Variants in CNTNAP2 observed in about 807,000 individuals in gnomAD.
CNTNAP2 encodes the protein contactin associated protein 2, also known as contactin-associated protein-like 2.
Under a neutral mutation model 155.2 loss-of-function variants are expected in CNTNAP2, and 98 were observed. That is an observed-to-expected ratio of 0.63 (90% confidence interval 0.54 to 0.75). CNTNAP2 has a LOEUF of 0.75. Among genes scored for constraint, CNTNAP2 ranks in the 30% least tolerant of loss-of-function variants. CNTNAP2 has a pLI of 0.00. For missense variants in CNTNAP2, 1,727 were observed against 1,688.1 expected (o/e 1.02, Z -0.40); for synonymous variants, 651 against 631.2 (o/e 1.03, Z -0.47).
chr7:146,582,519 G>A (rs1217481451), intron 1 of CNTNAP2, among the ~76,000 whole-genome samples: 1 of 152,124 alleles, frequency 6.6e-6, no homozygotes, highest in African/African-American at 2.4e-5. Flanking sequence ...AAAATAAACA[G>A]TGATTTATAA....
At chr7:147,474,951 A>G (rs1321251135) in intron 10 of CNTNAP2, among the ~76,000 whole-genome samples, 1 of 152,210 alleles carries the variant, frequency 6.6e-6, no homozygotes, top group Non-Finnish European at 1.5e-5. Flanking sequence ...CACAACAGCT[A>G]GAACAATCGT....
intron 4 of CNTNAP2, among the ~76,000 whole-genome samples, chr7:147,056,771 T>C (rs1189349466): frequency 6.6e-6 from 1 of 152,068 alleles, no homozygotes; most frequent in Non-Finnish European, 1.5e-5. Flanking sequence ...GTTTGTTTGT[T>C]CATTTGTTTG....
At chr7:146,832,622 A>T (rs939410746) in intron 2 of CNTNAP2, among the ~76,000 whole-genome samples, 10 of 148,114 alleles carry the variant, frequency 6.8e-5, no homozygotes, top group African/African-American at 2.5e-4. Flanking sequence ...TATTTTATAT[A>T]TTATAAATTT....
chr7:147,779,772 A>C (rs2116553069), intron 13 of CNTNAP2, among the ~76,000 whole-genome samples: 1 of 152,310 alleles, frequency 6.6e-6, no homozygotes, highest in East Asian at 1.9e-4. Context: ...AAAACTTGCT[A>C]TCTCCTGCAA....
At chr7:146,527,337 GT>G (rs772728503) in intron 1 of CNTNAP2, among the ~76,000 whole-genome samples, 1 of 152,082 alleles carries the variant, frequency 6.6e-6, no homozygotes, top group East Asian at 1.9e-4. Context: ...CAAAAACAGT[GT>G]TTTTTATTTA....
intron 14 of CNTNAP2, among the ~76,000 whole-genome samples, chr7:147,933,490 A>C (rs1478545863): frequency 7.6e-6 from 1 of 130,896 alleles, no homozygotes; most frequent in Non-Finnish European, 1.6e-5. Context: ...GATACAGAAA[A>C]TGTGAGATAG....
At chr7:147,975,076 A>ATTATGTG (rs1801405317) in intron 14 of CNTNAP2, among the ~76,000 whole-genome samples, 3 of 151,526 alleles carry the variant, frequency 2.0e-5, no homozygotes, top group African/African-American at 4.8e-5. Context: ...TGTATTATGT[A>ATTATGTG]TAATACAATT....
At chr7:146,969,265 T>G (rs1290869304) in intron 3 of CNTNAP2, among the ~76,000 whole-genome samples, 1 of 152,060 alleles carries the variant, frequency 6.6e-6, no homozygotes. Context: ...TGTGGTGTGG[T>G]GCTGAAAAAA....
At chr7:147,030,659 T>C (rs541663246) in intron 3 of CNTNAP2, among the ~76,000 whole-genome samples, 15 of 152,324 alleles carry the variant, frequency 9.8e-5, no homozygotes, top group African/African-American at 3.6e-4. Context: ...TGCCTATTGG[T>C]TAATGACTTC....
chr7:148,080,478 G>A lies in CNTNAP2; in HGVS notation c.2384-37640G>A, dbSNP rs145459499. ...AAAATTAGCCTGGCGTGGTGGCGGC[G>A]CCTGTAGTCCCAGCTACTCAGGAGA... On this transcript the variant is annotated intron_variant, in intron 15 of 23. Coordinates refer to ENST00000361727, the MANE Select transcript of CNTNAP2 (RefSeq NM_014141.6). 2.6e-3 allele frequency among the ~76,000 whole-genome samples: 389 copies of A among 151,624 alleles called. 1 individual carries two copies. The highest frequency in any genetic ancestry group is 4.2e-3 in the South Asian group (20 of 4,784).
intron 8 of CNTNAP2, among the ~76,000 whole-genome samples, chr7:147,229,787 A>C (rs909628725): frequency 6.6e-6 from 1 of 152,228 alleles, no homozygotes; most frequent in Non-Finnish European, 1.5e-5. Context: ...TAACAAATAC[A>C]TATTATAACT....
intron 8 of CNTNAP2, among the ~76,000 whole-genome samples, chr7:147,281,541 C>G (rs1391989345): frequency 6.6e-6 from 1 of 151,406 alleles, no homozygotes; most frequent in Non-Finnish European, 1.5e-5. Flanking sequence ...AACTACAATC[C>G]TCATGAATAT....
intron 1 of CNTNAP2, among the ~76,000 whole-genome samples, chr7:146,401,181 A>T (rs1208447907): frequency 6.6e-6 from 1 of 152,154 alleles, no homozygotes; most frequent in African/African-American, 2.4e-5. Flanking sequence ...AATGTTTTCT[A>T]TACATTCTCC....
intron 11 of CNTNAP2, among the ~76,000 whole-genome samples, chr7:147,510,850 C>CATATATATATAT (rs61069153): frequency 0.038 from 2,929 of 76,336 alleles, 442 homozygotes; most frequent in African/African-American, 0.17. Context: ...GGCCTACAAC[C>CATATATATATAT]ATATATATAT....
At chr7:146,964,969 A>G (rs1456082165) in intron 3 of CNTNAP2, among the ~76,000 whole-genome samples, 2 of 152,188 alleles carry the variant, frequency 1.3e-5, no homozygotes, top group Admixed American at 6.5e-5. Flanking sequence ...AAAAAAAACA[A>G]AACAAAACAA....
intron 1 of CNTNAP2, among the ~76,000 whole-genome samples, chr7:146,260,220 G>T (rs1207298634): frequency 6.6e-6 from 1 of 152,242 alleles, no homozygotes; most frequent in East Asian, 1.9e-4. Flanking sequence ...ACATCTGGAT[G>T]TCCAGGCAGA....
At chr7:147,552,924 A>C (rs1584808491) in intron 11 of CNTNAP2, among the ~76,000 whole-genome samples, 1 of 152,328 alleles carries the variant, frequency 6.6e-6, no homozygotes, top group South Asian at 2.1e-4. Context: ...CAGCAGAAGA[A>C]AAATGACAGT....
intron 9 of CNTNAP2, among the ~76,000 whole-genome samples, chr7:147,388,859 C>T (rs975435267): frequency 6.6e-5 from 10 of 152,176 alleles, no homozygotes; most frequent in South Asian, 4.1e-4. Context: ...AGATTACAGG[C>T]GTGAACATTC....
At chr7:146,483,052 G>A (rs1416605371) in intron 1 of CNTNAP2, among the ~76,000 whole-genome samples, 8 of 151,110 alleles carry the variant, frequency 5.3e-5, no homozygotes, top group Non-Finnish European at 7.4e-5. Flanking sequence ...CGAGGCAGGC[G>A]GATCATGAGG....
Sources: gnomAD v4.1 joint callset for allele counts (sites outside exome capture counted in the v4.1 genomes callset) on GRCh38, gnomAD v4.1.1 for gene constraint, MANE v1.5 for transcripts, NCBI Gene and HGNC (gene_info 2026-07-23, HGNC 2026-07-21) for gene names.